The following CENPF variants were observed in gnomAD, a reference collection of about 807,000 sequenced individuals.
The protein encoded by CENPF is AH antigen.
CENPF carries 214 observed loss-of-function variants against 307.3 expected under a neutral mutation model. That is an observed-to-expected ratio of 0.70 (90% CI 0.62 to 0.78). The LOEUF (loss-of-function observed/expected upper bound fraction) is 0.78, where lower values mean the gene tolerates loss of function less well. CENPF is among the 30% of genes least tolerant of loss of function. The pLI is 0.00. For synonymous variants in CENPF, 1,259 were observed against 1,270.6 expected (o/e 0.99, Z 0.19); for missense variants, 3,401 against 3,483.9 (o/e 0.98, Z 0.60).
chr1:214,645,723 A>T lies in CENPF; in HGVS notation c.6153A>T (p.Lys2051Asn), dbSNP rs549573607. Residue 2051 changes from lysine (K) to asparagine (N), a missense_variant, in exon 13 of 20, where the codon AAA becomes AAT. Lys to Asn is a moderately conservative substitution (Grantham distance 94). Transcript: ENST00000366955. The stretch of plus-strand genomic sequence containing the variant: ...ACTCACAGGCACTGTCTTTGACAAA[A>T]TGTGAGCTGGAAAACCAAATTGCAC... ...EKDSQALSLT[K>N]CELENQIAQL... The T allele has an allele frequency of 5.6e-6, 9 of 1,614,234 alleles. No homozygotes were observed. Among genetic ancestry groups the T allele is most frequent in the Non-Finnish European group, 8.5e-7 (1 of 1,180,036 alleles).
intron 13 of CENPF, 106 bp downstream of exon 13, chr1:214,647,506 A>T: frequency 7.8e-7 from 1 of 1,283,870 alleles, no homozygotes; most frequent in Non-Finnish European, 1.0e-6. Context: ...CGTGTCTGCT[A>T]TATTGGACCA....
intron 12 of CENPF, among the ~76,000 whole-genome samples, chr1:214,644,131 G>C (rs148355348): frequency 6.6e-6 from 1 of 152,178 alleles, no homozygotes; most frequent in African/African-American, 2.4e-5. Flanking sequence ...CTTGGACTGG[G>C]AATCTGGTTA....
chr1:214,617,798 C>T (rs79428297), intron 3 of CENPF, among the ~76,000 whole-genome samples: 4,547 of 152,268 alleles, frequency 0.03, 103 homozygotes, highest in Middle Eastern at 0.088. Context: ...CCACTTTCTT[C>T]CCATGTTTCT....
Position 214,659,522 on chromosome 1 carries a change from G to T in CENPF, c.9141+494G>T, listed in dbSNP as rs114393189. 3.1e-3 allele frequency among the ~76,000 whole-genome samples: 473 copies of T among 150,464 alleles called. 1 individual carries two copies. The highest frequency in any genetic ancestry group is 0.011 in the African/African-American group (444 of 40,940). On this transcript the variant is annotated intron_variant, in intron 19 of 19. Coordinates refer to ENST00000366955, the MANE Select transcript of CENPF (RefSeq NM_016343.4). The surrounding 1 kb of genome is among the most constrained non-coding windows in gnomAD (Gnocchi z 4.4). ...GTTTATAGATCTCTCTATTTTGATT[G>T]TTGAGGATACAACAGGATCTTAGTG...
Position 214,640,024 on chromosome 1 carries a change from TCTGGAAAAGC to T in CENPF, c.1687_1696del (p.Leu563SerfsTer9). 4.4e-6 allele frequency: 7 copies of T among 1,599,076 alleles called. No homozygotes were observed. Among genetic ancestry groups the T allele is most frequent in the Non-Finnish European group, 5.9e-6 (7 of 1,176,502 alleles). Reference sequence around the variant, plus strand: ...AAAAACTGAAGCTTGCTGTGGCTGATCTGGAAAAGCAGCGAGATTGTTCTCAAGACCTTTT... The same window carrying T: ...AAAAACTGAAGCTTGCTGTGGCTGATAGCGAGATTGTTCTCAAGACCTTTT... On this transcript the variant is annotated frameshift_variant, in exon 12 of 20. Coordinates refer to ENST00000366955, the MANE Select transcript of CENPF (RefSeq NM_016343.4). LOFTEE classifies it high-confidence loss of function.
At chr1:214,628,378 A>G (rs1211817498) in intron 7 of CENPF, among the ~76,000 whole-genome samples, 1 of 151,510 alleles carries the variant, frequency 6.6e-6, no homozygotes. Flanking sequence ...TCTGTGGTGC[A>G]AGGTTTTTTT....
chr1:214,619,971 C>T (rs1002264151), intron 5 of CENPF, among the ~76,000 whole-genome samples: 1 of 152,146 alleles, frequency 6.6e-6, no homozygotes, highest in Non-Finnish European at 1.5e-5. Context: ...CAATTCTTCT[C>T]TTGACATTGA....
Position 214,642,752 on chromosome 1 carries a change from C to T in CENPF, c.4414C>T (p.Leu1472Phe). The change falls in exon 12 of 20, where the codon CTC becomes TTC. Residue 1472 changes from leucine to phenylalanine, a missense_variant. Transcript: ENST00000366955. ...GATGCAGCTGGGCTTGGAGGAGGGGCTCGTTCCATCCCTGTCATCCTCTTG... is the reference window on the plus strand; with the variant it reads ...GATGCAGCTGGGCTTGGAGGAGGGGTTCGTTCCATCCCTGTCATCCTCTTG... ...KEMQLGLEEG[L>F]VPSLSSSCVP... 1 of 1,614,006 alleles carries T rather than the reference C, an allele frequency of 6.2e-7. No individual in the cohort carries two copies. Among genetic ancestry groups the T allele is most frequent in the Non-Finnish European group, 8.5e-7 (1 of 1,179,978 alleles).
chr1:214,652,625 G>T (rs1276544486), intron 15 of CENPF, among the ~76,000 whole-genome samples: 3 of 124,954 alleles, frequency 2.4e-5, no homozygotes, highest in Non-Finnish European at 5.7e-5. Flanking sequence ...TGTATTTTTA[G>T]TAGAGACAGG....
rs1558174159 is a variant in CENPF at position 214,622,777 on chromosome 1, GA to G, written c.1068+497del. Among the ~76,000 whole-genome samples, 15 of 90,822 alleles carry G rather than the reference GA, an allele frequency of 1.7e-4. 2 individuals are homozygous for G. Among genetic ancestry groups the G allele is most frequent in the African/African-American group, 5.5e-4 (6 of 10,874 alleles). The allele number at this position is 90,822 out of a possible 152,430, so 59.6% of individuals were successfully genotyped here. A position where few individuals can be genotyped will look rare whatever the true frequency, so the allele number is the denominator to read the frequency against. ...TATATAGTTGGTCCATTGTACCCAT[GA>G]GTTCTGCATTCATGGATTCAACCAA... On this transcript the variant is annotated intron_variant, in intron 7 of 19. Coordinates refer to ENST00000366955, the MANE Select transcript of CENPF (RefSeq NM_016343.4).
intron 19 of CENPF, among the ~76,000 whole-genome samples, chr1:214,661,448 A>G (rs1434578426): frequency 6.6e-6 from 1 of 152,080 alleles, no homozygotes; most frequent in Non-Finnish European, 1.5e-5. Context: ...TTGCTTAGAA[A>G]CTCAGGGTTG....
In CENPF at chr1:214,655,273, G is replaced by A. The variant is rs764425694; in HGVS notation, c.8355G>A (p.Lys2785=). The change falls in exon 17 of 20, where the codon AAG becomes AAA. Residue 2785 remains lysine, a synonymous_variant. Transcript: ENST00000366955. ...MDNLKYVNQL[K]KENERAQGKM... is the part of the protein sequence containing the mutation. ...ATCTAAAATATGTAAATCAGTTGAA[G>A]AAGGAAAATGAACGTGCCCAGGGGA... 9 of 1,605,146 alleles carry A rather than the reference G, an allele frequency of 5.6e-6. No homozygotes were observed. The East Asian group carries it at 2.0e-4, about 36-fold the overall frequency.
intron 11 of CENPF, among the ~76,000 whole-genome samples, chr1:214,639,207 G>A (rs956445536): frequency 6.6e-6 from 1 of 152,164 alleles, no homozygotes; most frequent in African/African-American, 2.4e-5. Flanking sequence ...AAACATCGTG[G>A]TTATTCCCAA....
rs138517962 is a variant in CENPF, at chr1:214,635,051, G to A, written c.1446+2449G>A. On this transcript the variant is annotated intron_variant, in intron 10 of 19. Coordinates refer to ENST00000366955, the MANE Select transcript of CENPF (RefSeq NM_016343.4). ...TCCACTATCCAGTGCCAGCCCCATA[G>A]CATTGGGGTTAGGCAATAAAATACC... Among the ~76,000 whole-genome samples the A allele has an allele frequency of 7.2e-5, 11 of 152,322 alleles. No homozygotes were observed. The East Asian group carries it at 2.1e-3, about 29-fold the overall frequency.
chr1:214,652,426 TG>T (rs1658507031), intron 15 of CENPF, among the ~76,000 whole-genome samples: 1 of 148,412 alleles, frequency 6.7e-6, no homozygotes, highest in Non-Finnish European at 1.5e-5. Flanking sequence ...GGCAGGGTTT[TG>T]TTTTTGTTTT....
intron 7 of CENPF, among the ~76,000 whole-genome samples, chr1:214,622,643 A>T (rs377349654): frequency 3.9e-5 from 6 of 152,310 alleles, no homozygotes; most frequent in African/African-American, 1.2e-4. Flanking sequence ...GATTTAATTA[A>T]TCTGCTCTTG....
At position 214,657,336 on chromosome 1, in the gene CENPF, T is replaced by C. The variant is rs1558192642; in HGVS notation, c.8889T>C (p.Ser2963=). ...FSKKSKKAVM[S]GIHPAEDTEG... is the part of the protein sequence containing the mutation. ...AAAAAAGCAAGAAAGCAGTCATGAG[T>C]GGTATTCACCCTGCAGAAGACACGG... is the stretch of plus-strand genomic sequence containing the variant. The change falls in exon 18 of 20, where the codon AGT becomes AGC. Residue 2963 remains serine, a synonymous_variant. Transcript: ENST00000366955. 2 of 1,613,650 alleles carry C rather than the reference T, an allele frequency of 1.2e-6. No homozygotes were observed. The highest frequency in any genetic ancestry group is 1.7e-6 in the Non-Finnish European group (2 of 1,180,022).
chr1:214,616,223 A>C (rs915502647), intron 3 of CENPF, among the ~76,000 whole-genome samples: 6 of 152,160 alleles, frequency 3.9e-5, no homozygotes, highest in African/African-American at 1.4e-4. Flanking sequence ...GGTTTATGAA[A>C]ATAATAGCAG....
chr1:214,614,962 A>C lies in CENPF; in HGVS notation c.293A>C (p.Asn98Thr), dbSNP rs146340205. ...HELQVKESQV[N>T]FQEGQLNSGK... ...CTTCAAGTCAAGGAGTCACAAGTGAATTTCCAGGAAGGACAACTGAATTCA... is the reference window on the plus strand; with the variant it reads ...CTTCAAGTCAAGGAGTCACAAGTGACTTTCCAGGAAGGACAACTGAATTCA... The change falls in exon 3 of 20, where the codon AAT becomes ACT. Residue 98 changes from asparagine to threonine, a missense_variant. Asn to Thr is a moderately conservative substitution (Grantham distance 65). Transcript: ENST00000366955. 95 of 1,610,922 alleles carry C rather than the reference A, an allele frequency of 5.9e-5. No homozygotes were observed. The highest frequency in any genetic ancestry group is 8.9e-5 in the South Asian group (8 of 89,924).
Sources: gnomAD v4.1 joint callset for allele counts (sites outside exome capture counted in the v4.1 genomes callset) on GRCh38, gnomAD v4.1.1 for gene constraint, Gnocchi (gnomAD v3.1) non-coding constraint, MANE v1.5 for transcripts, NCBI Gene and HGNC (gene_info 2026-07-23, HGNC 2026-07-21) for gene names.